The following RIMS1 variants were observed in gnomAD, a reference collection of about 807,000 sequenced individuals.
The protein encoded by RIMS1 is regulating synaptic membrane exocytosis protein 1.
A neutral mutation model predicts 214.1 loss-of-function variants in RIMS1; 83 were observed. The ratio of observed to expected loss-of-function variants is 0.39; its 90% CI spans 0.32 to 0.47. The LOEUF is 0.47. RIMS1 is among the 20% of genes least tolerant of loss of function. The pLI, the probability that RIMS1 is intolerant of heterozygous loss-of-function variation, is 0.99. For missense variants in RIMS1, 2,050 were observed against 2,161.8 expected, an observed-to-expected ratio of 0.95 and a Z score of 1.03; for synonymous variants, 793 against 786.8, an observed-to-expected ratio of 1.01 and a Z score of -0.13.
At chr6:72,002,646 C>T (rs1434052413) in intron 2 of RIMS1, among the ~76,000 whole-genome samples, 1 of 152,140 alleles carries the variant, frequency 6.6e-6, no homozygotes, top group Non-Finnish European at 1.5e-5. Context: ...CTTGTGCATT[C>T]AGAAACAAGA....
In RIMS1 at chr6:72,282,790, G is replaced by A. The variant is rs764379170; in HGVS notation, c.3483-1257G>A. ...AGTTATCCCTCAATATATTGAGTAC[G>A]CTCTTTTCCAACTGGTAAGGGAATA... On this transcript the variant is annotated intron_variant, in intron 23 of 33. Coordinates refer to ENST00000521978, the MANE Select transcript of RIMS1 (RefSeq NM_014989.7). 1.1e-3 allele frequency among the ~76,000 whole-genome samples: 166 copies of A among 151,984 alleles called. 2 individuals are homozygous for A. The highest frequency in any genetic ancestry group is 4.1e-4 in the Non-Finnish European group (28 of 67,976).
At chr6:72,136,382 T>C (rs1180116342) in intron 4 of RIMS1, among the ~76,000 whole-genome samples, 1 of 151,736 alleles carries the variant, frequency 6.6e-6, no homozygotes, top group African/African-American at 2.4e-5. Context: ...TTACTCTTAG[T>C]ATAAACAGAA....
At chr6:72,359,695 A>G (rs1303287380) in intron 29 of RIMS1, among the ~76,000 whole-genome samples, 3 of 152,166 alleles carry the variant, frequency 2.0e-5, no homozygotes, top group Non-Finnish European at 4.4e-5. Flanking sequence ...CTTTTAACTA[A>G]ATGTGTAAAA....
At position 72,398,609 on chromosome 6, in the gene RIMS1, T is replaced by G. The variant is rs143640499; in HGVS notation, c.4720+259T>G. Among the ~76,000 whole-genome samples, 541 of 150,436 alleles carry G rather than the reference T, an allele frequency of 3.6e-3. 4 individuals carry two copies. The highest frequency in any genetic ancestry group is 0.013 in the African/African-American group (529 of 41,530). On this transcript the variant is annotated intron_variant, in intron 32 of 33. Transcript: ENST00000521978. ...TGGTCGTTTCTTAGCTTGTGTCAAT[T>G]ATTTTCTTTTTGCACACTTAGAAAG...
At chr6:72,187,366 C>T (rs1244498469) in intron 6 of RIMS1, among the ~76,000 whole-genome samples, 2 of 152,000 alleles carry the variant, frequency 1.3e-5, no homozygotes, top group African/African-American at 4.8e-5. Flanking sequence ...ATTATCTTGA[C>T]TGCCTTTTGT....
chr6:72,204,349 C>T (rs929078671), intron 6 of RIMS1, among the ~76,000 whole-genome samples: 6 of 152,158 alleles, frequency 3.9e-5, no homozygotes, highest in African/African-American at 1.4e-4. Flanking sequence ...ATTAGGTTAT[C>T]ATTATATACA....
At chr6:72,393,460 C>T (rs1338614786) in intron 31 of RIMS1, among the ~76,000 whole-genome samples, 1 of 152,176 alleles carries the variant, frequency 6.6e-6, no homozygotes, top group Non-Finnish European at 1.5e-5. Flanking sequence ...CGCTGTGGCT[C>T]ACGCCTGTAA....
intron 26 of RIMS1, among the ~76,000 whole-genome samples, chr6:72,303,594 G>A (rs1345143236): frequency 6.6e-6 from 1 of 150,988 alleles, no homozygotes; most frequent in Non-Finnish European, 1.5e-5. Context: ...CACAGATATG[G>A]TTTTCATTTA....
chr6:72,152,935 AATATATGTAT>A (rs1260065840), intron 4 of RIMS1, among the ~76,000 whole-genome samples: 1 of 122,798 alleles, frequency 8.1e-6, no homozygotes, highest in Admixed American at 9.1e-5. Flanking sequence ...ATATATATGG[AATATATGTAT>A]ATATATGTAT....
intron 2 of RIMS1, among the ~76,000 whole-genome samples, chr6:72,081,680 G>C (rs1833443107): frequency 6.6e-6 from 1 of 151,948 alleles, no homozygotes; most frequent in Non-Finnish European, 1.5e-5. Flanking sequence ...GGGGTTCTGG[G>C]TTACATGGGA....
chr6:71,906,015 G>C (rs1367879488), intron 1 of RIMS1, among the ~76,000 whole-genome samples: 2 of 152,118 alleles, frequency 1.3e-5, no homozygotes, highest in African/African-American at 4.8e-5. Flanking sequence ...CTGTACTCCA[G>C]TGTGTCCCAG....
At chr6:71,958,432 G>A (rs975887520) in intron 1 of RIMS1, among the ~76,000 whole-genome samples, 3 of 152,096 alleles carry the variant, frequency 2.0e-5, no homozygotes, top group African/African-American at 7.2e-5. Flanking sequence ...GAAGAAGTTG[G>A]TGGTGGATAA....
intron 1 of RIMS1, 58 bp from the exon 2 acceptor site, chr6:71,968,925 A>T (rs1795131305): frequency 6.8e-7 from 1 of 1,467,406 alleles, no homozygotes; most frequent in Admixed American, 1.7e-5. Context: ...TAATTTCTAG[A>T]TGTGTTCTAC....
chr6:72,345,970 T>C (rs2097253550), intron 29 of RIMS1, among the ~76,000 whole-genome samples: 1 of 151,682 alleles, frequency 6.6e-6, no homozygotes, highest in African/African-American at 2.4e-5. Context: ...GAACTGGCAA[T>C]TGAAATCAAT....
rs80313088 is a variant in RIMS1 at position 72,150,718 on chromosome 6, G to A, written c.472-28857G>A. ...TAGTAATTGCCTGTTCATTTTGTTT[G>A]TTCATTACTATTCCCATGTCTCATT... is the stretch of plus-strand genomic sequence containing the variant. On this transcript the variant is annotated intron_variant, in intron 4 of 33. Transcript: ENST00000521978. Among the ~76,000 whole-genome samples, 19 of 152,250 alleles carry A rather than the reference G, an allele frequency of 1.2e-4. No homozygotes were observed. In the East Asian group the frequency reaches 3.5e-3, roughly 28 times the overall value.
intron 6 of RIMS1, among the ~76,000 whole-genome samples, chr6:72,229,839 G>A (rs1220514959): frequency 6.6e-6 from 1 of 151,732 alleles, no homozygotes; most frequent in Non-Finnish European, 1.5e-5. Flanking sequence ...TAATATCACA[G>A]TGTAACTAAA....
intron 1 of RIMS1, among the ~76,000 whole-genome samples, chr6:71,937,008 T>A (rs547548070): frequency 6.6e-6 from 1 of 152,334 alleles, no homozygotes; most frequent in African/African-American, 2.4e-5. Flanking sequence ...GAGGCATCAC[T>A]CTCTGGCTTA....
At chr6:72,323,086 G>A (rs986355968) in intron 28 of RIMS1, among the ~76,000 whole-genome samples, 1 of 152,040 alleles carries the variant, frequency 6.6e-6, no homozygotes, top group Non-Finnish European at 1.5e-5. Context: ...TATCTCAGAA[G>A]GGCCAAACTC....
At chr6:72,350,404 G>A (rs1323420277) in intron 29 of RIMS1, among the ~76,000 whole-genome samples, 1 of 152,038 alleles carries the variant, frequency 6.6e-6, no homozygotes, top group African/African-American at 2.4e-5. Flanking sequence ...GAGTTCTGTT[G>A]TCTCCTTTCT....
Sources: allele counts gnomAD v4.1 joint callset (sites outside exome capture counted in the v4.1 genomes callset), GRCh38; gene constraint gnomAD v4.1.1; transcripts MANE v1.5; gene names NCBI Gene and HGNC (gene_info 2026-07-23, HGNC 2026-07-21).